ARID3B: variants seen among roughly 807,000 people sequenced by gnomAD.
ARID3B encodes the protein AT-rich interaction domain 3B.
Under a neutral mutation model 51.9 loss-of-function variants are expected in ARID3B, and 10 were observed. That is an observed-to-expected ratio of 0.19 (90% CI 0.12 to 0.33). The LOEUF (loss-of-function observed/expected upper bound fraction) is 0.33, where lower values mean the gene tolerates loss of function less well. Among genes scored for constraint, ARID3B ranks in the 10% least tolerant of loss-of-function variants. The pLI is 1.00. For missense variants in ARID3B, 483 were observed against 716.3 expected, an observed-to-expected ratio of 0.67 and a Z score of 3.72; for synonymous variants, 205 against 279.5, an observed-to-expected ratio of 0.73 and a Z score of 2.66.
Position 74,563,829 on chromosome 15 carries a change from G to A in ARID3B, c.553-9033G>A, listed in dbSNP as rs572054893. On this transcript the variant is annotated intron_variant, in intron 2 of 8. Coordinates refer to ENST00000346246, the MANE Select transcript of ARID3B (RefSeq NM_006465.4). ...TCAGGGTGTCCTCATCACCAACAAT[G>A]TATTTTAGTTTTTCTGCCACCTTTG... Among the ~76,000 whole-genome samples, 161 of 152,330 alleles carry A rather than the reference G, an allele frequency of 1.1e-3. 1 individual carries two copies. The highest frequency in any genetic ancestry group is 3.2e-3 in the African/African-American group (133 of 41,576).
chr15:74,593,254 TG>T lies in ARID3B; in HGVS notation c.1519+23del. The T allele has an allele frequency of 6.2e-7, 1 of 1,606,100 alleles. No individual in the cohort carries two copies. Among genetic ancestry groups the T allele is most frequent in the Non-Finnish European group, 8.5e-7 (1 of 1,176,778 alleles). Reference sequence around the variant, plus strand: ...CTATGCAGGTGAGGCCCTGGAGCTCTGGGGGAGGCCCACGTGGCCGCAGCTA... The same window carrying T: ...CTATGCAGGTGAGGCCCTGGAGCTCTGGGGAGGCCCACGTGGCCGCAGCTA... On this transcript the variant is annotated intron_variant, in intron 8 of 8. Coordinates refer to ENST00000346246, the MANE Select transcript of ARID3B (RefSeq NM_006465.4).
chr15:74,545,304 C>T (rs2061611624), intron 2 of ARID3B, among the ~76,000 whole-genome samples: 1 of 152,204 alleles, frequency 6.6e-6, no homozygotes. Context: ...GACATGATTT[C>T]ATTTCACTCT....
rs1340096693 is a variant in ARID3B at position 74,566,172 on chromosome 15, C to A, written c.553-6690C>A. 2.0e-5 allele frequency among the ~76,000 whole-genome samples: 3 copies of A among 152,156 alleles called. No homozygotes were observed. The East Asian group carries it at 5.8e-4, about 29-fold the overall frequency. On this transcript the variant is annotated intron_variant, in intron 2 of 8. Transcript: ENST00000346246. The stretch of plus-strand genomic sequence containing the variant: ...CTTGGGCTACTGCACAGCCACCTAC[C>A]CCCAGTGCAGGCTTTCCCTCTCAGA...
intron 2 of ARID3B, among the ~76,000 whole-genome samples, chr15:74,550,116 C>T (rs895068104): frequency 1.3e-5 from 2 of 152,126 alleles, no homozygotes; most frequent in African/African-American, 2.4e-5. Context: ...ATATCTGTAC[C>T]GAGCTCATGT....
chr15:74,544,866 A>G (rs949152852), intron 2 of ARID3B, among the ~76,000 whole-genome samples: 3 of 151,588 alleles, frequency 2.0e-5, no homozygotes, highest in African/African-American at 4.8e-5. Flanking sequence ...TATTTTTTGC[A>G]TTTTTAGCAG....
At chr15:74,569,675 G>T (rs900171806) in intron 2 of ARID3B, among the ~76,000 whole-genome samples, 4 of 152,226 alleles carry the variant, frequency 2.6e-5, no homozygotes, top group Non-Finnish European at 5.9e-5. Context: ...CAGGGCTGGA[G>T]ATACCCAGAC....
At position 74,591,962 on chromosome 15, in the gene ARID3B, A is replaced by T. The variant is rs2141480892; in HGVS notation, c.1420+148A>T. 1 of 1,299,032 alleles carries T rather than the reference A, an allele frequency of 7.7e-7. No homozygotes were observed. Among genetic ancestry groups the T allele is most frequent in the African/African-American group, 1.5e-5 (1 of 67,262 alleles). The allele number at this position is 1,299,032 out of a possible 1,614,324, so 80.5% of individuals were successfully genotyped here. ...GTTCTGCCTTCCAGGCCCCTAGAAG[A>T]GAGGCACTGAGATCTTAGTTCACCA... On this transcript the variant is annotated intron_variant, in intron 7 of 8. Coordinates refer to ENST00000346246, the MANE Select transcript of ARID3B (RefSeq NM_006465.4). This position sits in a 1 kb window ranked among gnomAD's most constrained non-coding sequence, Gnocchi z 5.8.
rs1394477059 is a variant in ARID3B at position 74,597,787 on chromosome 15, C to T, written c.*2013C>T. The T allele has an allele frequency of 1.7e-5, 8 of 460,052 alleles. No individual in the cohort carries two copies. The highest frequency in any genetic ancestry group is 5.9e-5 in the Admixed American group (2 of 33,910). 28.5% of individuals were successfully genotyped at this position (460,052 alleles called of 1,614,324 possible). ...ATCCTCTCCCTTTCCCCAGGCAGCT[C>T]GCCTGGCCACACCGTTGGAGTGAAC... On this transcript the variant is annotated 3_prime_UTR_variant, in exon 9 of 9. Transcript: ENST00000346246.
chr15:74,558,046 C>T (rs1264122951), intron 2 of ARID3B, among the ~76,000 whole-genome samples: 1 of 152,012 alleles, frequency 6.6e-6, no homozygotes. Flanking sequence ...TGGTCTCGAT[C>T]TCCTGACCTC....
In ARID3B at chr15:74,589,805, G is replaced by C; in HGVS notation, c.698-15G>C. 1 of 1,592,080 alleles carries C rather than the reference G, an allele frequency of 6.3e-7. No homozygotes were observed. The highest frequency in any genetic ancestry group is 8.6e-7 in the Non-Finnish European group (1 of 1,165,770). On this transcript the variant is annotated splice_polypyrimidine_tract_variant and intron_variant, in intron 4 of 8. Coordinates refer to ENST00000346246, the MANE Select transcript of ARID3B (RefSeq NM_006465.4). ...GATGATCCCGCTGTCTCTTTCTCTC[G>C]TTGGACAACCACAGGGACCCCCATC...
intron 2 of ARID3B, among the ~76,000 whole-genome samples, chr15:74,568,635 C>A (rs2061707970): frequency 6.6e-6 from 1 of 152,114 alleles, no homozygotes; most frequent in Non-Finnish European, 1.5e-5. Context: ...CCTTCTTTTC[C>A]TGGGGAAAAT....
intron 4 of ARID3B, among the ~76,000 whole-genome samples, chr15:74,589,232 T>C (rs1438699267): frequency 6.6e-6 from 1 of 151,840 alleles, no homozygotes; most frequent in Non-Finnish European, 1.5e-5. Flanking sequence ...GGTTTCGCCA[T>C]GTTAGCCAGG....
intron 2 of ARID3B, among the ~76,000 whole-genome samples, chr15:74,546,963 A>G (rs2061618080): frequency 6.6e-6 from 1 of 152,050 alleles, no homozygotes; most frequent in Admixed American, 6.5e-5. Flanking sequence ...CTTTTTTTTT[A>G]GTATATTTTA....
At position 74,541,506 on chromosome 15, in the gene ARID3B, C is replaced by A. The variant is rs1291589080; in HGVS notation, c.-78+176C>A. Among the ~76,000 whole-genome samples, 11 of 152,364 alleles carry A rather than the reference C, an allele frequency of 7.2e-5. No homozygotes were observed. In the South Asian group the frequency reaches 1.7e-3, roughly 23 times the overall value. ...CCGCGGGAGCCCCGAGCGCCCTGTGCCCATTAGGGCATTTGAGATAAAGCG... is the reference window on the plus strand; with the variant it reads ...CCGCGGGAGCCCCGAGCGCCCTGTGACCATTAGGGCATTTGAGATAAAGCG... On this transcript the variant is annotated intron_variant, in intron 1 of 8. Transcript: ENST00000346246.
Position 74,591,670 on chromosome 15 carries a change from G to T in ARID3B, c.1276G>T (p.Glu426Ter). 1 of 1,609,680 alleles carries T rather than the reference G, an allele frequency of 6.2e-7. No homozygotes were observed. Among genetic ancestry groups the T allele is most frequent in the Non-Finnish European group, 8.5e-7 (1 of 1,178,228 alleles). Residue 426 changes from glutamate to a stop codon, truncating the protein, a stop_gained, in exon 7 of 9, where the codon GAG becomes TAG. Coordinates refer to ENST00000346246, the MANE Select transcript of ARID3B (RefSeq NM_006465.4). LOFTEE classifies it high-confidence loss of function. This position sits in a 1 kb window ranked among gnomAD's most constrained non-coding sequence, Gnocchi z 5.8. ...TRTAALEQLR[E>*]RLESGEPAEK... ...GACCGCCGCACTGGAGCAGCTGCGG[G>T]AGCGGCTGGAGTCAGGGGAGCCTGC...
At chr15:74,575,576 A>G (rs569207281) in intron 4 of ARID3B, among the ~76,000 whole-genome samples, 7 of 152,234 alleles carry the variant, frequency 4.6e-5, no homozygotes, top group African/African-American at 1.7e-4. Flanking sequence ...TCAGCAGTAG[A>G]GAACAGTCTT....
intron 2 of ARID3B, among the ~76,000 whole-genome samples, chr15:74,552,661 C>T (rs2061642428): frequency 6.6e-6 from 1 of 152,030 alleles, no homozygotes; most frequent in Admixed American, 6.6e-5. Flanking sequence ...GTTTTGTCTC[C>T]TCCAGAATGT....
intron 2 of ARID3B, among the ~76,000 whole-genome samples, chr15:74,561,072 A>T (rs1394932017): frequency 6.6e-6 from 1 of 152,158 alleles, no homozygotes. Context: ...GGTGTGACCC[A>T]CCGTGCCCAG....
chr15:74,562,712 T>C (rs984484861), intron 2 of ARID3B, among the ~76,000 whole-genome samples: 1 of 152,200 alleles, frequency 6.6e-6, no homozygotes, highest in African/African-American at 2.4e-5. Context: ...GCTGTTTTTA[T>C]TGTGATAGGC....
Sources: gnomAD v4.1 joint callset for allele counts (sites outside exome capture counted in the v4.1 genomes callset) on GRCh38, gnomAD v4.1.1 for gene constraint, Gnocchi (gnomAD v3.1) non-coding constraint, MANE v1.5 for transcripts, NCBI Gene and HGNC (gene_info 2026-07-23, HGNC 2026-07-21) for gene names.